Variants in DHX57 observed in about 807,000 individuals in gnomAD.
DHX57 encodes the protein putative ATP-dependent RNA helicase DHX57.
DHX57 carries 105 observed loss-of-function variants against 156.2 expected under a neutral mutation model. The observed-to-expected ratio is 0.67, with a 90% CI of 0.57 to 0.79. DHX57 has a LOEUF of 0.79. DHX57 is among the 30% of genes least tolerant of loss of function. The pLI is 0.00. For synonymous variants in DHX57, 704 were observed against 595.6 expected (o/e 1.18, Z -2.65); for missense variants, 1,847 against 1,661.9 (o/e 1.11, Z -1.94).
chr2:38,826,132 G>C (rs576072726), intron 15 of DHX57, 85 bp from the exon 16 acceptor site: 39 of 1,370,752 alleles, frequency 2.8e-5, no homozygotes, highest in Non-Finnish European at 3.6e-5. Context: ...AGATGAACCA[G>C]CTTCCTCCTG....
chr2:38,814,816 G>A (rs1670444125), intron 20 of DHX57, among the ~76,000 whole-genome samples: 3 of 151,510 alleles, frequency 2.0e-5, no homozygotes, highest in Non-Finnish European at 4.4e-5. Flanking sequence ...TCCACCTCCC[G>A]GGTTCAAGCG....
At chr2:38,850,527 G>A (rs1270953953) in intron 9 of DHX57, among the ~76,000 whole-genome samples, 1 of 152,082 alleles carries the variant, frequency 6.6e-6, no homozygotes, top group Non-Finnish European at 1.5e-5. Context: ...TTCCCAAAAT[G>A]CTGGGATTAC....
At chr2:38,847,123 C>A (rs758557873) in intron 10 of DHX57, 50 bp from the exon 11 acceptor site, 59 of 1,416,080 alleles carry the variant, frequency 4.2e-5, no homozygotes, top group Non-Finnish European at 5.7e-5. Flanking sequence ...CCCATTCAAC[C>A]ATCTTGAAAT....
At position 38,848,288 on chromosome 2, in the gene DHX57, G is replaced by A. The variant is rs761209749; in HGVS notation, c.2145C>T (p.Cys715=). ...ATTCACCTGGTATAGTAATAACGGG[G>A]CAGGAATTAAAATAGTCTGAAAAAA... ...AELFSDYFNS[C]PVITIPGRTF... is the part of the protein sequence containing the mutation. Residue 715 remains cysteine, a synonymous_variant, in exon 10 of 24, where the codon TGC becomes TGT. Transcript: ENST00000457308. 1.9e-6 allele frequency: 3 copies of A among 1,602,742 alleles called. No homozygotes were observed. The highest frequency in any genetic ancestry group is 2.6e-6 in the Non-Finnish European group (3 of 1,175,868).
At chr2:38,859,986 A>T (rs1673106690) in intron 5 of DHX57, among the ~76,000 whole-genome samples, 1 of 151,814 alleles carries the variant, frequency 6.6e-6, no homozygotes, top group South Asian at 2.1e-4. Flanking sequence ...TAGCTAAGAA[A>T]ATATATATAT....
intron 1 of DHX57, among the ~76,000 whole-genome samples, chr2:38,874,098 T>C (rs1665480758): frequency 7.4e-6 from 1 of 135,902 alleles, no homozygotes. Context: ...TTTTCTTTCT[T>C]TCTTTTTTTT....
chr2:38,813,924 A>C, intron 20 of DHX57, 29 bp from the exon 21 acceptor site: 1 of 1,608,028 alleles, frequency 6.2e-7, no homozygotes, highest in Non-Finnish European at 8.5e-7. Context: ...ATTAATTAAC[A>C]AGTGATATGG....
intron 14 of DHX57, among the ~76,000 whole-genome samples, chr2:38,827,125 C>G (rs1171300421): frequency 7.4e-6 from 1 of 135,584 alleles, no homozygotes; most frequent in Non-Finnish European, 1.6e-5. Context: ...TAGTGAGACT[C>G]CGTCTCGAAA....
intron 5 of DHX57, 67 bp from the exon 6 acceptor site, chr2:38,858,903 G>C (rs1572701956): frequency 6.8e-7 from 1 of 1,470,482 alleles, no homozygotes; most frequent in African/African-American, 1.5e-5. Flanking sequence ...GAAAGTCGCT[G>C]TCTAACAGAG....
At chr2:38,812,605 C>G (rs1350559340) in intron 21 of DHX57, among the ~76,000 whole-genome samples, 1 of 152,222 alleles carries the variant, frequency 6.6e-6, no homozygotes, top group Non-Finnish European at 1.5e-5. Flanking sequence ...ATGATCTCGC[C>G]TCACCACAAC....
At chr2:38,803,710 A>G (rs1252080829) in intron 22 of DHX57, among the ~76,000 whole-genome samples, 1 of 151,508 alleles carries the variant, frequency 6.6e-6, no homozygotes, top group Non-Finnish European at 1.5e-5. Context: ...GCTGTTCTTG[A>G]ACTCCTGAAC....
chr2:38,843,155 C>T lies in DHX57; in HGVS notation c.2275G>A (p.Glu759Lys). 6.2e-7 allele frequency: 1 copy of T among 1,614,186 alleles called. No individual in the cohort carries two copies. Among genetic ancestry groups the T allele is most frequent in the East Asian group, 2.2e-5 (1 of 44,888 alleles). ...YMRSMKQISK[E>K]KLKARRNRTA... ...CTGTTCCGCCTTGCTTTAAGCTTTT[C>T]CTTTGAAATCTGTTTCATGGACCGC... Residue 759 changes from glutamate to lysine, a missense_variant, in exon 12 of 24, where the codon GAA (glutamate) becomes AAA (lysine). Physicochemically the swap from Glu to Lys is moderately conservative, Grantham distance 56 (BLOSUM62 1). Coordinates refer to ENST00000457308, the MANE Select transcript of DHX57 (RefSeq NM_198963.3).
chr2:38,841,612 G>A (rs1672006793), intron 12 of DHX57, among the ~76,000 whole-genome samples: 1 of 152,210 alleles, frequency 6.6e-6, no homozygotes, highest in Non-Finnish European at 1.5e-5. Context: ...TCCTACAGAA[G>A]CAGTAACGGG....
In DHX57 at chr2:38,798,232, G is replaced by T; in HGVS notation, c.*67C>A. On this transcript the variant is annotated 3_prime_UTR_variant, in exon 24 of 24. Coordinates refer to ENST00000457308, the MANE Select transcript of DHX57 (RefSeq NM_198963.3). Reference sequence around the variant, plus strand: ...CAATAGGTCTTTAGTTCGAGGTAGAGGTTCTGCTGTTATTTCCCAGGTGAG... The same window carrying T: ...CAATAGGTCTTTAGTTCGAGGTAGATGTTCTGCTGTTATTTCCCAGGTGAG... The T allele has an allele frequency of 6.4e-7, 1 of 1,556,654 alleles. No individual in the cohort carries two copies. The highest frequency in any genetic ancestry group is 8.7e-7 in the Non-Finnish European group (1 of 1,154,344).
At position 38,837,126 on chromosome 2, in the gene DHX57, A is replaced by C. The variant is rs573917434; in HGVS notation, c.2542+705T>G. Among the ~76,000 whole-genome samples the C allele has an allele frequency of 2.6e-5, 4 of 152,212 alleles. No homozygotes were observed. The South Asian group carries it at 8.3e-4, about 32-fold the overall frequency. ...GGCCTCTCAAAGTGCTGGGATTACA[A>C]GTGTGAGCCATTGCACCTGGCATGT... On this transcript the variant is annotated intron_variant, in intron 13 of 23. Coordinates refer to ENST00000457308, the MANE Select transcript of DHX57 (RefSeq NM_198963.3).
chr2:38,842,412 G>C (rs1047059762), intron 12 of DHX57, among the ~76,000 whole-genome samples: 3 of 152,150 alleles, frequency 2.0e-5, no homozygotes, highest in Non-Finnish European at 2.9e-5. Flanking sequence ...CCTGAGTATG[G>C]ACTGTGAATT....
At chr2:38,815,195 T>C (rs1228413182) in intron 20 of DHX57, among the ~76,000 whole-genome samples, 1 of 151,960 alleles carries the variant, frequency 6.6e-6, no homozygotes, top group Admixed American at 6.6e-5. Context: ...CCCTCCCACA[T>C]AGCTGGGAAG....
At position 38,819,153 on chromosome 2, in the gene DHX57, G is replaced by A. The variant is rs199551975; in HGVS notation, c.3292-9C>T. ...TTATCCCAGGGAGATACCTAAAGGA[G>A]AGAGGAAAATCAGATTTAAAGAACA... On this transcript the variant is annotated splice_polypyrimidine_tract_variant and intron_variant, in intron 17 of 23. Transcript: ENST00000457308. 1.2e-6 allele frequency: 2 copies of A among 1,610,576 alleles called. No homozygotes were observed. Among genetic ancestry groups the A allele is most frequent in the African/African-American group, 1.3e-5 (1 of 74,844 alleles).
Position 38,855,256 on chromosome 2 carries a change from T to C in DHX57, c.1710-4A>G, listed in dbSNP as rs368884722. ...AATTTGTGTGGTTTTCCCACATCTGTACATTAAAACAAATAAGTCCTAAAA... is the reference window on the plus strand; with the variant it reads ...AATTTGTGTGGTTTTCCCACATCTGCACATTAAAACAAATAAGTCCTAAAA... On this transcript the variant is annotated splice_region_variant and splice_polypyrimidine_tract_variant and intron_variant, in intron 7 of 23. Transcript: ENST00000457308. 9.7e-5 allele frequency: 156 copies of C among 1,613,992 alleles called. No individual in the cohort carries two copies. The highest frequency in any genetic ancestry group is 1.2e-4 in the Non-Finnish European group (136 of 1,179,960).
Sources: gnomAD v4.1 joint callset for allele counts (sites outside exome capture counted in the v4.1 genomes callset) on GRCh38, gnomAD v4.1.1 for gene constraint, MANE v1.5 for transcripts, NCBI Gene and HGNC (gene_info 2026-07-23, HGNC 2026-07-21) for gene names.